PSPH: variants seen among roughly 807,000 people sequenced by gnomAD.
The protein encoded by PSPH is phosphoserine phosphatase, also known as L-3-phosphoserine phosphatase.
A neutral mutation model predicts 23.4 loss-of-function variants in PSPH; 16 were observed. The observed-to-expected ratio is 0.68, with a 90% CI of 0.46 to 1.04. The LOEUF is 1.04. PSPH is among the 50% of genes least tolerant of loss of function. The probability of loss-of-function intolerance (pLI) is 0.00; values close to 1 mark genes in which losing one functional copy is unlikely to be tolerated. For synonymous variants in PSPH, 68 were observed against 99.7 expected (o/e 0.68, Z 1.89); for missense variants, 223 against 273.7 (o/e 0.81, Z 1.31).
intron 1 of PSPH, among the ~76,000 whole-genome samples, chr7:56,040,823 T>G (rs946245384): frequency 6.6e-6 from 1 of 152,002 alleles, no homozygotes; most frequent in African/African-American, 2.4e-5. Context: ...GAAGATGAGC[T>G]GTTCATGACA....
intron 1 of PSPH, among the ~76,000 whole-genome samples, chr7:56,036,718 G>A (rs917996500): frequency 2.0e-5 from 3 of 152,102 alleles, no homozygotes; most frequent in Non-Finnish European, 4.4e-5. Context: ...TGATACTTGT[G>A]AGCATGAGAT....
chr7:56,017,668 GCCT>G (rs770618091), intron 5 of PSPH, among the ~76,000 whole-genome samples: 9 of 147,668 alleles, frequency 6.1e-5, no homozygotes, highest in Non-Finnish European at 1.3e-4. Flanking sequence ...TCCTCCTTCA[GCCT>G]CACAGGTAGC....
At chr7:56,044,387 G>T (rs1360330503) in intron 1 of PSPH, among the ~76,000 whole-genome samples, 1 of 152,016 alleles carries the variant, frequency 6.6e-6, no homozygotes, top group Non-Finnish European at 1.5e-5. Flanking sequence ...CCCAGGTTTG[G>T]GGGAGAAAAA....
chr7:56,039,765 ACT>A (rs1343768547), intron 1 of PSPH, among the ~76,000 whole-genome samples: 4 of 128,366 alleles, frequency 3.1e-5, no homozygotes, highest in East Asian at 2.3e-4. Flanking sequence ...ACAGAGAAAG[ACT>A]CTGTCTCAAA....
At chr7:56,049,222 C>T (rs1562839191) in intron 1 of PSPH, among the ~76,000 whole-genome samples, 2 of 151,812 alleles carry the variant, frequency 1.3e-5, no homozygotes, top group East Asian at 3.9e-4. Flanking sequence ...CTGCGTCCAG[C>T]CCCCATCCTC....
intron 3 of PSPH, among the ~76,000 whole-genome samples, chr7:56,023,248 CAG>C (rs1017163160): frequency 1.7e-4 from 26 of 151,384 alleles, no homozygotes; most frequent in Non-Finnish European, 2.9e-4. Flanking sequence ...CTGCAGAGGA[CAG>C]AGAGTCAAAA....
At chr7:56,028,922 G>A (rs1394155839) in intron 3 of PSPH, among the ~76,000 whole-genome samples, 2 of 151,934 alleles carry the variant, frequency 1.3e-5, no homozygotes, top group Non-Finnish European at 2.9e-5. Flanking sequence ...AGGTTCAAGC[G>A]ATTCTCCTGC....
intron 1 of PSPH, among the ~76,000 whole-genome samples, chr7:56,039,795 T>TAAAA (rs1266091253): frequency 9.3e-6 from 1 of 107,820 alleles, no homozygotes; most frequent in African/African-American, 3.4e-5. Flanking sequence ...AAAAAAAAAT[T>TAAAA]AAAAAAAAAA....
intron 1 of PSPH, among the ~76,000 whole-genome samples, chr7:56,041,584 G>A (rs1033490435): frequency 1.3e-5 from 2 of 151,896 alleles, no homozygotes; most frequent in African/African-American, 2.4e-5. Context: ...TAATGTGACC[G>A]GTGTCCTTGT....
chr7:56,022,555 G>A (rs1001515646), intron 3 of PSPH, among the ~76,000 whole-genome samples: 1 of 152,160 alleles, frequency 6.6e-6, no homozygotes, highest in Admixed American at 6.6e-5. Flanking sequence ...CCTGCTGGAA[G>A]CTACCCTATG....
chr7:56,037,705 AATTTTTT>A (rs1242725121), intron 1 of PSPH, among the ~76,000 whole-genome samples: 3 of 139,564 alleles, frequency 2.1e-5, no homozygotes, highest in Non-Finnish European at 3.1e-5. Context: ...TAAGCTAACA[AATTTTTT>A]TTTTTTTTTT....
At chr7:56,039,976 G>A (rs1001658326) in intron 1 of PSPH, among the ~76,000 whole-genome samples, 2 of 151,852 alleles carry the variant, frequency 1.3e-5, no homozygotes, top group African/African-American at 4.8e-5. Flanking sequence ...GCGGGCGCCT[G>A]TAGTCCCAGC....
chr7:56,033,605 A>T (rs1253664421), intron 2 of PSPH: 2 of 152,096 alleles, frequency 1.3e-5, no homozygotes, highest in Non-Finnish European at 2.9e-5. Context: ...CTGTATCGTT[A>T]TAACAATGTA....
In PSPH at chr7:56,050,429, C is replaced by T. The variant is rs1328202196; in HGVS notation, c.-292+709G>A. Among the ~76,000 whole-genome samples the T allele has an allele frequency of 3.3e-5, 5 of 152,200 alleles. No homozygotes were observed. In the East Asian group the frequency reaches 9.7e-4, roughly 29 times the overall value. The stretch of plus-strand genomic sequence containing the variant: ...CACAGACGTGCACCACCACGCCTGG[C>T]TAATTTTTGTATTTGTTGTATAGAT... On this transcript the variant is annotated intron_variant, in intron 1 of 7. Coordinates refer to ENST00000275605, the MANE Select transcript of PSPH (RefSeq NM_004577.4).
At position 56,013,448 on chromosome 7, in the gene PSPH, G is replaced by A. The variant is rs537895661; in HGVS notation, c.570+1575C>T. On this transcript the variant is annotated intron_variant, in intron 7 of 7. Transcript: ENST00000275605. ...ATGGGAAGATCGCTTGGTCTGGGAC[G>A]TTGAGGCTGCAATGAGCTGAGATTG... Among the ~76,000 whole-genome samples the A allele has an allele frequency of 5.3e-5, 8 of 152,208 alleles. No homozygotes were observed. The South Asian group carries it at 1.2e-3, about 24-fold the overall frequency.
At position 56,011,735 on chromosome 7, in the gene PSPH, T is replaced by A. The variant is rs751000411; in HGVS notation, c.*27A>T. 52 of 1,545,820 alleles carry A rather than the reference T, an allele frequency of 3.4e-5. 2 individuals carry two copies. Among genetic ancestry groups the A allele is most frequent in the Non-Finnish European group, 5.4e-6 (6 of 1,118,182 alleles). ...ATAACTTGTAAAAATTCATCTGAAG[T>A]TGTTTGGAGCTGTACGACAATGGAT... On this transcript the variant is annotated 3_prime_UTR_variant, in exon 8 of 8. Coordinates refer to ENST00000275605, the MANE Select transcript of PSPH (RefSeq NM_004577.4).
At chr7:56,040,903 A>T (rs565068325) in intron 1 of PSPH, among the ~76,000 whole-genome samples, 3 of 152,184 alleles carry the variant, frequency 2.0e-5, no homozygotes, top group African/African-American at 7.2e-5. Flanking sequence ...GGCAAGCCTC[A>T]ATCAAGCAGA....
rs35136814 is a variant in PSPH, at chr7:56,011,751, G to A, written c.*11C>T. Reference sequence around the variant, plus strand: ...CATCTGAAGTTGTTTGGAGCTGTACGACAATGGATGTTATTCTTCCAGTTC... The same window carrying A: ...CATCTGAAGTTGTTTGGAGCTGTACAACAATGGATGTTATTCTTCCAGTTC... On this transcript the variant is annotated 3_prime_UTR_variant, in exon 8 of 8. Transcript: ENST00000275605. 109,526 of 1,593,728 alleles carry A rather than the reference G, an allele frequency of 0.069. 4,007 individuals are homozygous for A. Among genetic ancestry groups the A allele is most frequent in the Admixed American group, 0.1 (6,066 of 59,930 alleles).
intron 6 of PSPH, among the ~76,000 whole-genome samples, chr7:56,016,804 T>C (rs1788619710): frequency 6.6e-6 from 1 of 152,056 alleles, no homozygotes; most frequent in South Asian, 2.1e-4. Context: ...CTTGAACTCC[T>C]GACCTCAAGT....
Sources: gnomAD v4.1 joint callset for allele counts (sites outside exome capture counted in the v4.1 genomes callset) on GRCh38, gnomAD v4.1.1 for gene constraint, MANE v1.5 for transcripts, NCBI Gene and HGNC (gene_info 2026-07-23, HGNC 2026-07-21) for gene names.